GABRB2: variants seen among roughly 807,000 people sequenced by gnomAD.
The protein encoded by GABRB2 is gamma-aminobutyric acid receptor subunit beta-2.
A neutral mutation model predicts 54.7 loss-of-function variants in GABRB2; 16 were observed. The ratio of observed to expected loss-of-function variants is 0.29; its 90% CI spans 0.20 to 0.44. GABRB2 has a LOEUF of 0.44. GABRB2 is among the 20% of genes least tolerant of loss of function. The probability of loss-of-function intolerance (pLI) is 1.00; values close to 1 mark genes in which losing one functional copy is unlikely to be tolerated. For synonymous variants in GABRB2, 244 were observed against 233.8 expected, an observed-to-expected ratio of 1.04 and a Z score of -0.40; for missense variants, 355 against 644.0, an observed-to-expected ratio of 0.55 and a Z score of 4.86.
chr5:161,485,983 TG>T (rs1296090131), intron 3 of GABRB2, among the ~76,000 whole-genome samples: 2 of 151,914 alleles, frequency 1.3e-5, no homozygotes. Flanking sequence ...TGGTATTGCT[TG>T]AGCACCTAGT....
chr5:161,316,160 C>A (rs1002645220), intron 9 of GABRB2, among the ~76,000 whole-genome samples: 8 of 152,108 alleles, frequency 5.3e-5, no homozygotes, highest in Non-Finnish European at 8.8e-5. Flanking sequence ...TGGATGAGAT[C>A]TTGATGATCA....
At chr5:161,381,431 C>A (rs1008460734) in intron 5 of GABRB2, among the ~76,000 whole-genome samples, 59 of 152,162 alleles carry the variant, frequency 3.9e-4, no homozygotes, top group African/African-American at 1.3e-3. Context: ...CCCTCCTTGG[C>A]ACATAAGGCA....
At chr5:161,475,660 G>GA (rs1758570558) in intron 3 of GABRB2, among the ~76,000 whole-genome samples, 1 of 151,838 alleles carries the variant, frequency 6.6e-6, no homozygotes, top group African/African-American at 2.4e-5. Flanking sequence ...TTCAACATAT[G>GA]AAAATTAATC....
intron 3 of GABRB2, among the ~76,000 whole-genome samples, chr5:161,523,950 T>C (rs1451327626): frequency 6.6e-6 from 1 of 151,420 alleles, no homozygotes; most frequent in Non-Finnish European, 1.5e-5. Flanking sequence ...AACTTCTTAG[T>C]AGCAAGAAAA....
chr5:161,356,515 C>T (rs1305156279), intron 5 of GABRB2, among the ~76,000 whole-genome samples: 2 of 152,054 alleles, frequency 1.3e-5, no homozygotes, highest in East Asian at 3.9e-4. Flanking sequence ...CTGTTTTAGG[C>T]TGTATCTATC....
chr5:161,436,552 G>T (rs184039068), intron 4 of GABRB2, among the ~76,000 whole-genome samples: 1 of 150,938 alleles, frequency 6.6e-6, no homozygotes, highest in Admixed American at 6.6e-5. Context: ...AAAAGAGAGA[G>T]AATGATTGAG....
In GABRB2 at chr5:161,419,950, C is replaced by T. The variant is rs1252334765; in HGVS notation, c.459-8893G>A. On this transcript the variant is annotated intron_variant, in intron 4 of 9. Coordinates refer to ENST00000393959, the MANE Select transcript of GABRB2 (RefSeq NM_001371727.1). Reference sequence around the variant, plus strand: ...CATAAGAAACCTGATCATGTAACCTCTGAATCTATAAAAATAAAAATAAAT... The same window carrying T: ...CATAAGAAACCTGATCATGTAACCTTTGAATCTATAAAAATAAAAATAAAT... Among the ~76,000 whole-genome samples, 3 of 152,018 alleles carry T rather than the reference C, an allele frequency of 2.0e-5. No homozygotes were observed. The East Asian group carries it at 5.8e-4, about 29-fold the overall frequency.
At chr5:161,479,444 T>G (rs1471538824) in intron 3 of GABRB2, among the ~76,000 whole-genome samples, 1 of 152,050 alleles carries the variant, frequency 6.6e-6, no homozygotes, top group African/African-American at 2.4e-5. Flanking sequence ...TATATAGACA[T>G]GAATTTCAGT....
At chr5:161,509,313 A>G (rs1385664592) in intron 3 of GABRB2, among the ~76,000 whole-genome samples, 1 of 151,998 alleles carries the variant, frequency 6.6e-6, no homozygotes, top group Admixed American at 6.6e-5. Flanking sequence ...ATTTCTTCAT[A>G]TTTTGTAAAT....
intron 9 of GABRB2, among the ~76,000 whole-genome samples, chr5:161,310,425 T>C (rs1176176612): frequency 6.6e-6 from 1 of 152,274 alleles, no homozygotes; most frequent in Non-Finnish European, 1.5e-5. Flanking sequence ...TTGTTGCTAC[T>C]GGAAGCCACC....
At chr5:161,470,002 C>T (rs780405250) in intron 3 of GABRB2, among the ~76,000 whole-genome samples, 1 of 151,880 alleles carries the variant, frequency 6.6e-6, no homozygotes, top group East Asian at 1.9e-4. Context: ...TTCAACGAAT[C>T]ACTTTCCTGA....
chr5:161,296,274 T>C (rs1279163069), intron 9 of GABRB2, among the ~76,000 whole-genome samples: 1 of 152,226 alleles, frequency 6.6e-6, no homozygotes, highest in East Asian at 1.9e-4. Context: ...TTGTTTTCTC[T>C]TCTTCTCTGG....
intron 4 of GABRB2, among the ~76,000 whole-genome samples, chr5:161,433,317 T>A (rs1043767765): frequency 2.6e-5 from 4 of 151,886 alleles, no homozygotes; most frequent in Non-Finnish European, 4.4e-5. Flanking sequence ...AGGAGAATTA[T>A]GGCTAGGTGT....
intron 4 of GABRB2, among the ~76,000 whole-genome samples, chr5:161,447,663 G>A (rs2113226313): frequency 6.6e-6 from 1 of 152,264 alleles, no homozygotes; most frequent in African/African-American, 2.4e-5. Flanking sequence ...GGAAAAGCTT[G>A]CTTTATATGT....
chr5:161,405,342 A>G (rs1234145360), intron 5 of GABRB2, among the ~76,000 whole-genome samples: 1 of 152,054 alleles, frequency 6.6e-6, no homozygotes, highest in East Asian at 1.9e-4. Flanking sequence ...CAGTAATTTG[A>G]TAATGATAAT....
At chr5:161,451,414 C>G (rs1057312288) in intron 4 of GABRB2, among the ~76,000 whole-genome samples, 1 of 152,128 alleles carries the variant, frequency 6.6e-6, no homozygotes, top group Admixed American at 6.6e-5. Flanking sequence ...ATAAGAAAGT[C>G]ATTCCTTCCA....
At chr5:161,369,616 A>C (rs1320474227) in intron 5 of GABRB2, among the ~76,000 whole-genome samples, 2 of 151,996 alleles carry the variant, frequency 1.3e-5, no homozygotes, top group Non-Finnish European at 2.9e-5. Flanking sequence ...TAAATGATCA[A>C]ACTTTATTGA....
intron 3 of GABRB2, among the ~76,000 whole-genome samples, chr5:161,475,664 A>C (rs1041754986): frequency 6.6e-6 from 1 of 152,004 alleles, no homozygotes; most frequent in Non-Finnish European, 1.5e-5. Context: ...ACATATGAAA[A>C]TTAATCAATG....
chr5:161,334,278 T>A (rs1753930277), intron 7 of GABRB2, among the ~76,000 whole-genome samples: 1 of 152,222 alleles, frequency 6.6e-6, no homozygotes, highest in Non-Finnish European at 1.5e-5. Flanking sequence ...AGATTACTTC[T>A]CAATATTCTT....
Sources: gnomAD v4.1 joint callset for allele counts (sites outside exome capture counted in the v4.1 genomes callset) on GRCh38, gnomAD v4.1.1 for gene constraint, MANE v1.5 for transcripts, NCBI Gene and HGNC (gene_info 2026-07-23, HGNC 2026-07-21) for gene names.